Variants in SLC39A11 observed in about 807,000 individuals in gnomAD.
SLC39A11 encodes the protein zinc transporter ZIP11.
Under a neutral mutation model 36.1 loss-of-function variants are expected in SLC39A11, and 33 were observed. That is an observed-to-expected ratio of 0.91 (90% CI 0.69 to 1.22). The LOEUF (loss-of-function observed/expected upper bound fraction) is 1.22, where lower values mean the gene tolerates loss of function less well. SLC39A11 is among the 50% of genes most tolerant of loss of function. The probability of loss-of-function intolerance (pLI) is 0.00; values close to 1 mark genes in which losing one functional copy is unlikely to be tolerated. For missense variants in SLC39A11, 432 were observed against 430.3 expected (o/e 1.00, Z -0.03); for synonymous variants, 166 against 170.3 (o/e 0.97, Z 0.20).
chr17:72,656,245 C>T (rs1163273696), intron 7 of SLC39A11, among the ~76,000 whole-genome samples: 1 of 152,160 alleles, frequency 6.6e-6, no homozygotes, highest in African/African-American at 2.4e-5. Context: ...TGTTCCTCCC[C>T]AGCAGTAGCA....
intron 7 of SLC39A11, among the ~76,000 whole-genome samples, chr17:72,685,370 G>C (rs76017347): frequency 0.013 from 1,860 of 139,452 alleles, 11 homozygotes; most frequent in African/African-American, 0.029. Flanking sequence ...AGAATTAAAG[G>C]GGGAGGGGCG....
chr17:72,878,478 C>G (rs2081033166), intron 5 of SLC39A11, among the ~76,000 whole-genome samples: 1 of 152,136 alleles, frequency 6.6e-6, no homozygotes, highest in Non-Finnish European at 1.5e-5. Flanking sequence ...TCCTGTTTTT[C>G]TCTCTTGGCC....
At chr17:72,973,491 G>A (rs1023221935) in intron 4 of SLC39A11, among the ~76,000 whole-genome samples, 34 of 152,262 alleles carry the variant, frequency 2.2e-4, no homozygotes, top group African/African-American at 7.9e-4. Flanking sequence ...GTAGGTCTAG[G>A]AATTATAGGT....
intron 4 of SLC39A11, among the ~76,000 whole-genome samples, chr17:73,004,158 GGAAAA>G (rs2089997301): frequency 1.3e-5 from 1 of 74,894 alleles, no homozygotes; most frequent in African/African-American, 7.9e-5. Flanking sequence ...AAAGAAAGAA[GGAAAA>G]AAAGAAAGAA....
chr17:72,935,136 A>G (rs948296295), intron 5 of SLC39A11, among the ~76,000 whole-genome samples: 1 of 152,248 alleles, frequency 6.6e-6, no homozygotes, highest in Non-Finnish European at 1.5e-5. Context: ...CAACTGGTGA[A>G]AGTAAACAAA....
intron 5 of SLC39A11, among the ~76,000 whole-genome samples, chr17:72,933,557 T>A (rs2084556388): frequency 1.3e-5 from 2 of 152,176 alleles, no homozygotes; most frequent in Non-Finnish European, 1.5e-5. Context: ...TCTTGCTTTG[T>A]CGCCCAAGCC....
chr17:72,852,143 T>C (rs2079363708), intron 5 of SLC39A11, among the ~76,000 whole-genome samples: 1 of 132,310 alleles, frequency 7.6e-6, no homozygotes, highest in Non-Finnish European at 1.5e-5. Context: ...AGGCGGAGCT[T>C]GCAGTGACCC....
chr17:72,827,656 T>A lies in SLC39A11; in HGVS notation c.601+21978A>T, dbSNP rs1016189718. The stretch of plus-strand genomic sequence containing the variant: ...GTGCATGGAAAACATGAGTTTGATA[T>A]GAAGGAAAAATGCTATTGCCTTCAG... On this transcript the variant is annotated intron_variant, in intron 6 of 9. Transcript: ENST00000255559. Among the ~76,000 whole-genome samples, 7 of 152,206 alleles carry A rather than the reference T, an allele frequency of 4.6e-5. No individual in the cohort carries two copies. In the East Asian group the frequency reaches 1.3e-3, roughly 29 times the overall value.
chr17:73,060,841 G>A (rs1323108934), intron 3 of SLC39A11, among the ~76,000 whole-genome samples: 1 of 152,120 alleles, frequency 6.6e-6, no homozygotes, highest in Non-Finnish European at 1.5e-5. Context: ...GTATTCCACA[G>A]AAACAACTAA....
chr17:72,760,033 T>A (rs1456572344), intron 6 of SLC39A11, among the ~76,000 whole-genome samples: 1 of 152,136 alleles, frequency 6.6e-6, no homozygotes, highest in African/African-American at 2.4e-5. Context: ...GTGAAGCATA[T>A]TTTATTTTTT....
intron 6 of SLC39A11, among the ~76,000 whole-genome samples, chr17:72,776,993 C>T (rs1423652394): frequency 6.6e-6 from 1 of 152,106 alleles, no homozygotes; most frequent in Non-Finnish European, 1.5e-5. Context: ...AAGAGGGGGC[C>T]ATATGATCTG....
chr17:73,070,831 C>G (rs1431046728), intron 3 of SLC39A11, among the ~76,000 whole-genome samples: 7 of 152,148 alleles, frequency 4.6e-5, no homozygotes, highest in Admixed American at 2.6e-4. Flanking sequence ...GTCAGACATG[C>G]CTTTCACTTT....
At chr17:72,948,163 C>T (rs1449959920) in intron 4 of SLC39A11, among the ~76,000 whole-genome samples, 3 of 152,126 alleles carry the variant, frequency 2.0e-5, no homozygotes, top group Admixed American at 2.0e-4. Flanking sequence ...AGATTGGGAC[C>T]CAAACACCAA....
At chr17:72,757,245 G>A (rs752305662) in intron 6 of SLC39A11, among the ~76,000 whole-genome samples, 6 of 152,190 alleles carry the variant, frequency 3.9e-5, no homozygotes, top group South Asian at 2.1e-4. Flanking sequence ...GTGGGAGCTC[G>A]CACTAAACTC....
intron 4 of SLC39A11, among the ~76,000 whole-genome samples, chr17:72,961,115 A>G (rs1180076171): frequency 2.0e-5 from 3 of 152,268 alleles, no homozygotes; most frequent in African/African-American, 7.2e-5. Flanking sequence ...CTGATGGCTC[A>G]GGAGGCCTGT....
At chr17:72,849,886 C>A in intron 5 of SLC39A11, 82 bp from the exon 6 acceptor site, 3 of 1,337,990 alleles carry the variant, frequency 2.2e-6, no homozygotes, top group South Asian at 1.6e-5. Flanking sequence ...CAAGCTACAG[C>A]AGGAAGAAGC....
At chr17:73,087,012 C>A (rs2060754067) in intron 2 of SLC39A11, among the ~76,000 whole-genome samples, 1 of 150,498 alleles carries the variant, frequency 6.6e-6, no homozygotes, top group Non-Finnish European at 1.5e-5. Context: ...ACCAAGATCA[C>A]GCCACTGCAC....
At chr17:72,977,882 C>T (rs1568057370) in intron 4 of SLC39A11, among the ~76,000 whole-genome samples, 3 of 152,158 alleles carry the variant, frequency 2.0e-5, no homozygotes, top group African/African-American at 7.2e-5. Flanking sequence ...CCTGGGAGAG[C>T]GAAGGTGCCC....
chr17:72,897,755 G>GAAAACA (rs911551236), intron 5 of SLC39A11, among the ~76,000 whole-genome samples: 4 of 152,250 alleles, frequency 2.6e-5, no homozygotes, highest in Middle Eastern at 3.4e-3. Context: ...CTATTAGAGG[G>GAAAACA]AAAACAAAAA....
Sources: gnomAD v4.1 joint callset for allele counts (sites outside exome capture counted in the v4.1 genomes callset) on GRCh38, gnomAD v4.1.1 for gene constraint, MANE v1.5 for transcripts, NCBI Gene and HGNC (gene_info 2026-07-23, HGNC 2026-07-21) for gene names.